CDC42BPA: variants seen among roughly 807,000 people sequenced by gnomAD.
CDC42BPA encodes the protein CDC42 binding protein kinase alpha.
CDC42BPA carries 80 observed loss-of-function variants against 223.5 expected under a neutral mutation model. The observed-to-expected ratio is 0.36, with a 90% CI of 0.30 to 0.43. CDC42BPA has a LOEUF of 0.43. CDC42BPA is among the 20% of genes least tolerant of loss of function. CDC42BPA has a pLI of 1.00. For missense variants in CDC42BPA, 1,743 were observed against 2,099.9 expected (o/e 0.83, Z 3.32); for synonymous variants, 694 against 718.6 (o/e 0.97, Z 0.55).
chr1:227,006,176 T>A (rs949218282), intron 34 of CDC42BPA, among the ~76,000 whole-genome samples: 4 of 152,348 alleles, frequency 2.6e-5, no homozygotes, highest in African/African-American at 7.2e-5. Flanking sequence ...ATGGTCTGGA[T>A]TTGATTTCTT....
At chr1:227,158,473 T>C (rs1184736685) in intron 6 of CDC42BPA, among the ~76,000 whole-genome samples, 1 of 152,172 alleles carries the variant, frequency 6.6e-6, no homozygotes, top group East Asian at 1.9e-4. Flanking sequence ...AATTCTTATG[T>C]AAGCACATAA....
At chr1:227,173,754 T>C (rs569783695) in intron 5 of CDC42BPA, among the ~76,000 whole-genome samples, 1 of 152,242 alleles carries the variant, frequency 6.6e-6, no homozygotes, top group Admixed American at 6.5e-5. Flanking sequence ...CTTCTTCCTC[T>C]GGCTGATTTA....
intron 1 of CDC42BPA, among the ~76,000 whole-genome samples, chr1:227,261,309 T>C (rs1205148267): frequency 6.7e-6 from 1 of 150,368 alleles, no homozygotes; most frequent in Non-Finnish European, 1.5e-5. Context: ...AGAGACGGGG[T>C]TTCACCATGT....
intron 5 of CDC42BPA, among the ~76,000 whole-genome samples, chr1:227,173,282 T>C (rs1666403207): frequency 6.6e-6 from 1 of 152,154 alleles, no homozygotes; most frequent in Admixed American, 6.6e-5. Flanking sequence ...TAGGAAAGCT[T>C]GCCTAAAGAC....
chr1:226,994,434 AG>A lies in CDC42BPA; in HGVS notation c.5134-36del. ...CCAAAGTAAAACATTAATGAGAAGGAGGGGGAGAAAGGGAGGCAGAAGGGGC... is the reference window on the plus strand; with the variant it reads ...CCAAAGTAAAACATTAATGAGAAGGAGGGGAGAAAGGGAGGCAGAAGGGGC... On this transcript the variant is annotated intron_variant, in intron 36 of 36. Transcript: ENST00000366766. This position sits in a 1 kb window ranked among gnomAD's most constrained non-coding sequence, Gnocchi z 4.0. 6.8e-7 allele frequency: 1 copy of A among 1,463,240 alleles called. No homozygotes were observed. Among genetic ancestry groups the A allele is most frequent in the South Asian group, 1.4e-5 (1 of 70,124 alleles). The allele number at this position is 1,463,240 out of a possible 1,614,324, so 90.6% of individuals were successfully genotyped here. A position where few individuals can be genotyped will look rare whatever the true frequency, so the allele number is the denominator to read the frequency against.
chr1:227,014,147 G>T (rs1347249070), intron 34 of CDC42BPA, among the ~76,000 whole-genome samples: 1 of 151,560 alleles, frequency 6.6e-6, no homozygotes, highest in Non-Finnish European at 1.5e-5. Context: ...AGGATGGAGA[G>T]AAATCTGAGA....
chr1:227,129,758 T>C (rs1656680047), intron 10 of CDC42BPA, among the ~76,000 whole-genome samples: 2 of 148,526 alleles, frequency 1.3e-5, no homozygotes, highest in South Asian at 4.2e-4. Flanking sequence ...TTAAATACTA[T>C]TGGCGTACTC....
chr1:227,097,242 C>T (rs1264163016), intron 15 of CDC42BPA, among the ~76,000 whole-genome samples: 2 of 152,136 alleles, frequency 1.3e-5, no homozygotes, highest in East Asian at 3.9e-4. Context: ...TAACTGCTCT[C>T]CTTCCAGTCT....
At chr1:227,176,065 G>A (rs1666911216) in intron 5 of CDC42BPA, among the ~76,000 whole-genome samples, 1 of 152,098 alleles carries the variant, frequency 6.6e-6, no homozygotes, top group Non-Finnish European at 1.5e-5. Context: ...CGATTCTTGA[G>A]CCTCAGCTCC....
chr1:227,211,960 A>G (rs1449433796), intron 3 of CDC42BPA, among the ~76,000 whole-genome samples: 1 of 152,168 alleles, frequency 6.6e-6, no homozygotes, highest in Non-Finnish European at 1.5e-5. Flanking sequence ...TAAAAGTAAT[A>G]ATGACCTCTG....
At chr1:227,037,412 T>C (rs2148724372) in intron 24 of CDC42BPA, among the ~76,000 whole-genome samples, 1 of 152,372 alleles carries the variant, frequency 6.6e-6, no homozygotes, top group Middle Eastern at 3.4e-3. Flanking sequence ...AAATCTCTGC[T>C]TTCTTAACCC....
intron 29 of CDC42BPA, among the ~76,000 whole-genome samples, chr1:227,029,815 T>C (rs1416905507): frequency 6.6e-6 from 1 of 152,184 alleles, no homozygotes. Flanking sequence ...AAGTTGTATA[T>C]ATTTTTTTTC....
chr1:227,193,596 A>G (rs1353185299), intron 5 of CDC42BPA, 190 bp downstream of exon 5: 1 of 538,434 alleles, frequency 1.9e-6, no homozygotes, highest in Non-Finnish European at 3.2e-6. Flanking sequence ...AAGCAGGCAC[A>G]TCGGTTCTGT....
chr1:227,227,640 C>G (rs1189134045), intron 2 of CDC42BPA, among the ~76,000 whole-genome samples: 2 of 152,180 alleles, frequency 1.3e-5, no homozygotes, highest in Non-Finnish European at 2.9e-5. Flanking sequence ...GGCATCATAG[C>G]TGGCCTTCAC....
intron 4 of CDC42BPA, among the ~76,000 whole-genome samples, chr1:227,196,948 C>A (rs1670861591): frequency 6.6e-6 from 1 of 151,992 alleles, no homozygotes. Flanking sequence ...AACTAAGCAG[C>A]TTTGTATTTA....
chr1:227,063,634 T>G (rs1041987146), intron 21 of CDC42BPA, among the ~76,000 whole-genome samples: 7 of 152,012 alleles, frequency 4.6e-5, no homozygotes. Flanking sequence ...TCAGGTAGGG[T>G]TGTGGTGAAT....
At chr1:227,295,368 C>T (rs1319055705) in intron 1 of CDC42BPA, among the ~76,000 whole-genome samples, 3 of 151,910 alleles carry the variant, frequency 2.0e-5, no homozygotes, top group East Asian at 1.9e-4. Flanking sequence ...CCATGTTGCC[C>T]GGCTGGTCTC....
chr1:227,042,654 TAG>T (rs1230466975), intron 23 of CDC42BPA, among the ~76,000 whole-genome samples: 2 of 152,132 alleles, frequency 1.3e-5, no homozygotes, highest in African/African-American at 2.4e-5. Flanking sequence ...TGATCGATCT[TAG>T]AGTCTAGATT....
At chr1:226,996,891 T>G (rs1661726933) in intron 35 of CDC42BPA, among the ~76,000 whole-genome samples, 1 of 152,260 alleles carries the variant, frequency 6.6e-6, no homozygotes, top group South Asian at 2.1e-4. Context: ...GCATCAATGT[T>G]CATCAGGGAT....
Sources: allele counts gnomAD v4.1 joint callset (sites outside exome capture counted in the v4.1 genomes callset), GRCh38; gene constraint gnomAD v4.1.1; non-coding constraint Gnocchi (gnomAD v3.1); transcripts MANE v1.5; gene names NCBI Gene and HGNC (gene_info 2026-07-23, HGNC 2026-07-21).